PPARGC1A: variants seen among roughly 807,000 people sequenced by gnomAD.
PPARGC1A encodes peroxisome proliferator-activated receptor gamma coactivator 1-alpha.
In PPARGC1A, 25 loss-of-function variants were observed where a neutral mutation model predicts 88.7. That is an observed-to-expected ratio of 0.28 (90% confidence interval 0.21 to 0.39). PPARGC1A has a LOEUF of 0.39. PPARGC1A is among the 10% of genes least tolerant of loss of function. The pLI, the probability that PPARGC1A is intolerant of heterozygous loss-of-function variation, is 1.00. For missense variants in PPARGC1A, 880 were observed against 968.7 expected (o/e 0.91, Z 1.22); for synonymous variants, 363 against 355.6 (o/e 1.02, Z -0.24).
chr4:24,180,644 G>A, the PPARGC1A span, among the ~76,000 whole-genome samples: 3 of 152,048 alleles, frequency 2.0e-5, no homozygotes, highest in African/African-American at 4.8e-5. Context: ...TATTTTATTG[G>A]TCCCCACTGA....
At chr4:23,900,362 A>G (rs540211088), upstream of PPARGC1A, among the ~76,000 whole-genome samples, 5 of 152,018 alleles carry the variant, frequency 3.3e-5, no homozygotes, top group East Asian at 9.7e-4. Context: ...GGGTCAGACA[A>G]TGTAGATCTG....
chr4:23,878,640 G>A (rs781318864), intron 2 of PPARGC1A, among the ~76,000 whole-genome samples: 9 of 152,132 alleles, frequency 5.9e-5, no homozygotes, highest in Admixed American at 1.3e-4. Context: ...AAACCACAGT[G>A]CTTAAATGAG....
chr4:24,441,867 G>A, the PPARGC1A span, among the ~76,000 whole-genome samples: 1 of 152,222 alleles, frequency 6.6e-6, no homozygotes. Flanking sequence ...AGAGCATGCT[G>A]CTCCCTGATT....
the PPARGC1A span, among the ~76,000 whole-genome samples, chr4:24,466,759 C>T: frequency 6.6e-6 from 1 of 151,162 alleles, no homozygotes; most frequent in African/African-American, 2.4e-5. Context: ...TACTAAAATA[C>T]AAAAATTAGC....
At chr4:24,052,273 G>T in the PPARGC1A span, among the ~76,000 whole-genome samples, 3 of 152,166 alleles carry the variant, frequency 2.0e-5, no homozygotes, top group African/African-American at 7.2e-5. Flanking sequence ...ATGAGTGAAG[G>T]AAGTGTTTAG....
the PPARGC1A span, among the ~76,000 whole-genome samples, chr4:24,166,480 A>G: frequency 2.0e-5 from 3 of 152,304 alleles, no homozygotes; most frequent in East Asian, 5.8e-4. Flanking sequence ...CATAGTTAGA[A>G]AGGAGGAGTC....
chr4:24,191,989 A>G, the PPARGC1A span, among the ~76,000 whole-genome samples: 1 of 152,190 alleles, frequency 6.6e-6, no homozygotes, highest in Non-Finnish European at 1.5e-5. Context: ...AAGAAACATG[A>G]AAACTTTCAG....
the PPARGC1A span, among the ~76,000 whole-genome samples, chr4:24,448,740 C>T: frequency 1.3e-5 from 2 of 152,172 alleles, no homozygotes; most frequent in Non-Finnish European, 2.9e-5. Flanking sequence ...CCTGTGACCA[C>T]CCCTAGTCTG....
At chr4:24,454,700 T>C in the PPARGC1A span, among the ~76,000 whole-genome samples, 357 of 151,676 alleles carry the variant, frequency 2.4e-3, 2 homozygotes, top group African/African-American at 8.2e-3. Context: ...ATTGCACCAC[T>C]GCACTCCTAG....
the PPARGC1A span, among the ~76,000 whole-genome samples, chr4:24,009,150 A>G: frequency 3.4e-4 from 27 of 79,802 alleles, no homozygotes; most frequent in African/African-American, 7.7e-4. Flanking sequence ...AAAAAAAAAA[A>G]AGAGAGAGAA....
chr4:24,353,183 A>T, the PPARGC1A span, among the ~76,000 whole-genome samples: 1 of 146,834 alleles, frequency 6.8e-6, no homozygotes, highest in Non-Finnish European at 1.5e-5. Context: ...ACCCTTTTAA[A>T]TAATCAATCT....
chr4:24,181,088 C>G, the PPARGC1A span, among the ~76,000 whole-genome samples: 2 of 152,242 alleles, frequency 1.3e-5, no homozygotes, highest in East Asian at 3.9e-4. Context: ...AAGGAAATGC[C>G]ACAAACAAGT....
chr4:24,243,694 A>G, the PPARGC1A span, among the ~76,000 whole-genome samples: 1 of 152,306 alleles, frequency 6.6e-6, no homozygotes, highest in African/African-American at 2.4e-5. Flanking sequence ...AGAGATGTCA[A>G]AGATAATAGC....
rs752271377 is a variant in PPARGC1A at position 23,814,355 on chromosome 4, G to A, written c.1128C>T (p.Pro376=). Reference sequence around the variant, plus strand: ...CATGGTCACCAAACAGCCGCAGACTGGGCCGCTTGGTCTTCCTTTCCTCGT... The same window carrying A: ...CATGGTCACCAAACAGCCGCAGACTAGGCCGCTTGGTCTTCCTTTCCTCGT... ...GGHEERKTKR[P]SLRLFGDHDY... Residue 376 remains proline, a synonymous_variant, in exon 8 of 13, where the codon CCC becomes CCT. Coordinates refer to ENST00000264867, the MANE Select transcript of PPARGC1A (RefSeq NM_013261.5). 5 of 1,613,966 alleles carry A rather than the reference G, an allele frequency of 3.1e-6. No homozygotes were observed. The South Asian group carries it at 5.5e-5, about 18-fold the overall frequency.
the PPARGC1A span, among the ~76,000 whole-genome samples, chr4:24,133,488 A>G: frequency 1.3e-5 from 2 of 152,314 alleles, no homozygotes; most frequent in South Asian, 4.1e-4. Context: ...CTCTGGGAAA[A>G]GCAACTTGGC....
At chr4:24,345,616 G>A in the PPARGC1A span, among the ~76,000 whole-genome samples, 1 of 151,926 alleles carries the variant, frequency 6.6e-6, no homozygotes, top group Non-Finnish European at 1.5e-5. Flanking sequence ...CTACTGATTT[G>A]TGCACATTAA....
At chr4:24,429,004 G>A in the PPARGC1A span, among the ~76,000 whole-genome samples, 2 of 152,080 alleles carry the variant, frequency 1.3e-5, no homozygotes, top group Non-Finnish European at 1.5e-5. Context: ...GATTGCTGCC[G>A]GCACATGACA....
chr4:23,825,792 TCAA>T (rs1238960194), intron 5 of PPARGC1A, among the ~76,000 whole-genome samples: 2 of 152,200 alleles, frequency 1.3e-5, no homozygotes. Flanking sequence ...GCTCATATCT[TCAA>T]CAAATTAGAT....
chr4:23,812,346 A>T (rs1185859168), intron 10 of PPARGC1A, among the ~76,000 whole-genome samples: 1 of 152,172 alleles, frequency 6.6e-6, no homozygotes, highest in Non-Finnish European at 1.5e-5. Flanking sequence ...GGCCAAAAAG[A>T]CAAAAACTGA....
Sources: gnomAD v4.1 joint callset for allele counts (sites outside exome capture counted in the v4.1 genomes callset) on GRCh38, gnomAD v4.1.1 for gene constraint, MANE v1.5 for transcripts, NCBI Gene and HGNC (gene_info 2026-07-23, HGNC 2026-07-21) for gene names.